CALD1: variants seen among roughly 807,000 people sequenced by gnomAD.
CALD1 encodes the protein caldesmon.
In CALD1, 33 loss-of-function variants were observed where a neutral mutation model predicts 99.9. The observed-to-expected ratio is 0.33, with a 90% CI of 0.25 to 0.44. The LOEUF (loss-of-function observed/expected upper bound fraction) is 0.44, where lower values mean the gene tolerates loss of function less well. Ranked by LOEUF, CALD1 falls within the 20% of genes least tolerant of loss-of-function variation. The pLI is 1.00. For synonymous variants in CALD1, 310 were observed against 325.0 expected, an observed-to-expected ratio of 0.95 and a Z score of 0.50; for missense variants, 861 against 962.1, an observed-to-expected ratio of 0.89 and a Z score of 1.39.
intron 14 of CALD1, among the ~76,000 whole-genome samples, chr7:134,967,167 C>A (rs1808736092): frequency 6.6e-6 from 1 of 152,118 alleles, no homozygotes; most frequent in Admixed American, 6.5e-5. Flanking sequence ...TCAGAGAACA[C>A]CACTCACATA....
intron 2 of CALD1, among the ~76,000 whole-genome samples, chr7:134,849,847 C>T (rs1486540869): frequency 6.6e-6 from 1 of 152,116 alleles, no homozygotes; most frequent in Non-Finnish European, 1.5e-5. Flanking sequence ...CACCCCCATG[C>T]CTAACTTTTT....
chr7:134,785,970 T>C (rs546820790), intron 1 of CALD1, among the ~76,000 whole-genome samples: 73 of 152,316 alleles, frequency 4.8e-4, no homozygotes, highest in African/African-American at 1.7e-3. Context: ...TTCATCTGTA[T>C]GCCAGCTCCA....
intron 1 of CALD1, among the ~76,000 whole-genome samples, chr7:134,795,032 C>G (rs1797694072): frequency 6.6e-6 from 1 of 152,200 alleles, no homozygotes; most frequent in African/African-American, 2.4e-5. Flanking sequence ...TCCACTGATA[C>G]CTGAAATACT....
chr7:134,802,517 A>T (rs1797986495), intron 1 of CALD1, among the ~76,000 whole-genome samples: 1 of 152,234 alleles, frequency 6.6e-6, no homozygotes, highest in Non-Finnish European at 1.5e-5. Flanking sequence ...ATGAATAAAG[A>T]TACAAGAGAT....
the CALD1 span, among the ~76,000 whole-genome samples, chr7:134,712,465 C>A: frequency 4.6e-5 from 7 of 152,272 alleles, no homozygotes; most frequent in African/African-American, 1.7e-4. Flanking sequence ...ACTGGATACA[C>A]GCATTGCATG....
the CALD1 span, among the ~76,000 whole-genome samples, chr7:134,731,000 A>G: frequency 6.6e-6 from 1 of 151,826 alleles, no homozygotes; most frequent in Non-Finnish European, 1.5e-5. Context: ...CGTCTACCCT[A>G]GATATCTCTG....
At chr7:134,967,496 G>A (rs2244307) in intron 14 of CALD1, among the ~76,000 whole-genome samples, 106,406 of 151,998 alleles carry the variant, frequency 0.7, 37,727 homozygotes, top group African/African-American at 0.8. Context: ...AGAGAATGGT[G>A]TAAGAATAGG....
intron 1 of CALD1, among the ~76,000 whole-genome samples, chr7:134,744,527 T>C (rs914741346): frequency 4.0e-5 from 6 of 151,652 alleles, no homozygotes; most frequent in African/African-American, 1.2e-4. Flanking sequence ...ATTAATTTAA[T>C]AATTTTATGT....
intron 8 of CALD1, 101 bp downstream of exon 8, chr7:134,947,870 G>A: frequency 7.2e-7 from 1 of 1,398,104 alleles, no homozygotes; most frequent in Non-Finnish European, 9.7e-7. Flanking sequence ...ATTTTTTTAA[G>A]AATAATAAAC....
At chr7:134,846,232 T>A (rs1554441321) in intron 2 of CALD1, among the ~76,000 whole-genome samples, 1 of 152,128 alleles carries the variant, frequency 6.6e-6, no homozygotes, top group Non-Finnish European at 1.5e-5. Context: ...CAGAGCATCA[T>A]CTTGTTTAGT....
At chr7:134,825,795 C>T (rs1257575803) in intron 1 of CALD1, among the ~76,000 whole-genome samples, 1 of 151,964 alleles carries the variant, frequency 6.6e-6, no homozygotes, top group African/African-American at 2.4e-5. Flanking sequence ...ATTTTTAGAC[C>T]CAGGGGTCAG....
At chr7:134,768,251 G>T (rs1015962769) in intron 1 of CALD1, among the ~76,000 whole-genome samples, 1 of 152,084 alleles carries the variant, frequency 6.6e-6, no homozygotes, top group Admixed American at 6.5e-5. Flanking sequence ...ATTTTGTCAG[G>T]TCCTCAGCCT....
chr7:134,738,141 C>G, the CALD1 span, among the ~76,000 whole-genome samples: 1 of 152,116 alleles, frequency 6.6e-6, no homozygotes, highest in Non-Finnish European at 1.5e-5. Flanking sequence ...CTTGTTCAGG[C>G]TCAATGCTTT....
At chr7:134,941,793 G>A (rs925302015) in intron 7 of CALD1, among the ~76,000 whole-genome samples, 3 of 152,154 alleles carry the variant, frequency 2.0e-5, no homozygotes, top group African/African-American at 7.2e-5. Flanking sequence ...AAGTCTCTAA[G>A]AGGGAGTGAG....
chr7:134,728,845 CTTTTTTTTTTTTTT>C, the CALD1 span, among the ~76,000 whole-genome samples: 1 of 124,228 alleles, frequency 8.0e-6, no homozygotes, highest in Non-Finnish European at 1.7e-5. Context: ...TATACCTTTT[CTTTTTTTTTTTTTT>C]TTTTTTTTTT....
chr7:134,722,279 C>A, the CALD1 span, among the ~76,000 whole-genome samples: 2 of 152,072 alleles, frequency 1.3e-5, no homozygotes, highest in South Asian at 4.1e-4. Context: ...CCACTTTTTT[C>A]CTCTCTTACC....
chr7:134,726,501 A>AGG, the CALD1 span, among the ~76,000 whole-genome samples: 19 of 140,240 alleles, frequency 1.4e-4, 1 homozygote, highest in African/African-American at 4.8e-4. Context: ...ATAGCTTTAG[A>AGG]TATATAATAT....
At chr7:134,871,380 G>A (rs1801068073) in intron 3 of CALD1, among the ~76,000 whole-genome samples, 1 of 152,144 alleles carries the variant, frequency 6.6e-6, no homozygotes, top group African/African-American at 2.4e-5. Context: ...GAAATAGAGT[G>A]GCTCCAAGGC....
intron 2 of CALD1, among the ~76,000 whole-genome samples, chr7:134,851,691 G>T (rs1268020130): frequency 6.6e-6 from 1 of 152,186 alleles, no homozygotes; most frequent in East Asian, 1.9e-4. Flanking sequence ...GACAATGACT[G>T]TCTGGAAATC....
Sources: gnomAD v4.1 joint callset for allele counts (sites outside exome capture counted in the v4.1 genomes callset) on GRCh38, gnomAD v4.1.1 for gene constraint, MANE v1.5 for transcripts, NCBI Gene and HGNC (gene_info 2026-07-23, HGNC 2026-07-21) for gene names.